PCYT1B: variants seen among roughly 807,000 people sequenced by gnomAD.
The protein encoded by PCYT1B is phosphate cytidylyltransferase 1B, choline, also known as choline-phosphate cytidylyltransferase B.
PCYT1B carries 10 observed loss-of-function variants against 26.4 expected under a neutral mutation model. The ratio of observed to expected loss-of-function variants is 0.38; its 90% CI spans 0.23 to 0.64. The LOEUF (loss-of-function observed/expected upper bound fraction) is 0.64, where lower values mean the gene tolerates loss of function less well. Among genes scored for constraint, PCYT1B ranks in the 30% least tolerant of loss-of-function variants. The pLI is 0.56. For synonymous variants in PCYT1B, 131 were observed against 108.4 expected (o/e 1.21, Z -1.29); for missense variants, 161 against 292.7 (o/e 0.55, Z 3.28).
rs1924512064 is a variant in PCYT1B at position 24,590,190 on chromosome X, G to T, written c.335-16C>A. The T allele has an allele frequency of 2.5e-6, 3 of 1,198,593 alleles. No individual in the cohort carries two copies. Among genetic ancestry groups the T allele is most frequent in the Non-Finnish European group, 2.3e-6 (2 of 887,651 alleles). On this transcript the variant is annotated splice_polypyrimidine_tract_variant and intron_variant, in intron 3 of 7. Transcript: ENST00000379144. ...TCACTGCAAACTAAAACAGGCAAAT[G>T]CATTAAATGCCATTACTCGGCCCAG...
intron 1 of PCYT1B, among the ~76,000 whole-genome samples, chrX:24,624,011 G>A (rs1027090547): frequency 2.2e-4 from 20 of 92,866 alleles, no homozygotes; most frequent in Admixed American, 9.3e-4. Flanking sequence ...TCGCTCTGTC[G>A]CCCAGGCTGG....
At chrX:24,648,449 A>ATTT (rs57744798), upstream of PCYT1B, among the ~76,000 whole-genome samples, 1,081 of 39,713 alleles carry the variant, frequency 0.027, 239 homozygotes, top group East Asian at 0.1. Context: ...ATTTGAAGGA[A>ATTT]TTTTTTTTTT....
chrX:24,629,775 T>C (rs1926008083), intron 1 of PCYT1B, among the ~76,000 whole-genome samples: 1 of 109,596 alleles, frequency 9.1e-6, no homozygotes, highest in Non-Finnish European at 1.9e-5. Context: ...TGACCACTTA[T>C]AAACCAAACT....
At chrX:24,669,035 G>A (rs114839893) in intron 1 of PCYT1B, among the ~76,000 whole-genome samples, 4,386 of 111,337 alleles carry the variant, frequency 0.039, 213 homozygotes, top group African/African-American at 0.13. Context: ...GACTTCAAAT[G>A]AATGAGATTT....
At chrX:24,634,988 T>C in intron 1 of PCYT1B, among the ~76,000 whole-genome samples, 1 of 111,957 alleles carries the variant, frequency 8.9e-6, no homozygotes. Flanking sequence ...CTGCTACCAA[T>C]AACATTAAAT....
intron 1 of PCYT1B, among the ~76,000 whole-genome samples, chrX:24,653,892 T>C (rs1244386158): frequency 9.3e-6 from 1 of 108,073 alleles, no homozygotes; most frequent in Admixed American, 1.0e-4. Context: ...GTAGCTGGGA[T>C]TGCAGGCACA....
intron 7 of PCYT1B, among the ~76,000 whole-genome samples, chrX:24,570,747 A>G (rs1923798535): frequency 8.9e-6 from 1 of 111,962 alleles, no homozygotes; most frequent in Non-Finnish European, 1.9e-5. Flanking sequence ...CTGTTTGCTG[A>G]GAAAGCCTAG....
intron 6 of PCYT1B, among the ~76,000 whole-genome samples, chrX:24,578,180 C>T (rs1266505959): frequency 9.0e-6 from 1 of 111,427 alleles, no homozygotes; most frequent in Non-Finnish European, 1.9e-5. Flanking sequence ...GAGTTCATGT[C>T]CTTTGCAGGG....
At position 24,579,479 on chromosome X, in the gene PCYT1B, G is replaced by A. The variant is rs375392994; in HGVS notation, c.566-21C>T. 1.7e-4 allele frequency: 207 copies of A among 1,195,344 alleles called. 1 individual carries two copies. In the African/African-American group the frequency reaches 3.0e-3, roughly 17 times the overall value. On this transcript the variant is annotated intron_variant, in intron 5 of 7. Coordinates refer to ENST00000379144, the MANE Select transcript of PCYT1B (RefSeq NM_004845.5). ...CATCCCTGTTCAAGTAGAAAAGAGC[G>A]GATAGAGGAAAAATTAAGATCACCT...
At chrX:24,672,696 A>G (rs1297500969), upstream of PCYT1B, 2 of 937,792 alleles carry the variant, frequency 2.1e-6, no homozygotes, top group Non-Finnish European at 3.0e-6. Flanking sequence ...TTTGAGTCAC[A>G]GGATGAAATT....
At chrX:24,670,792 A>G (rs756349237) in intron 1 of PCYT1B, among the ~76,000 whole-genome samples, 56 of 111,450 alleles carry the variant, frequency 5.0e-4, no homozygotes, top group African/African-American at 1.8e-3. Flanking sequence ...AATGTCAACT[A>G]TTATAATAAT....
In PCYT1B at chrX:24,616,975, T is replaced by C. The variant is rs146733112; in HGVS notation, c.217+2010A>G. Among the ~76,000 whole-genome samples the C allele has an allele frequency of 2.0e-3, 226 of 111,984 alleles. 1 individual carries two copies. The highest frequency in any genetic ancestry group is 7.1e-3 in the African/African-American group (219 of 30,867). The stretch of plus-strand genomic sequence containing the variant: ...TCCCAACTTTACCACTTACCAATGG[T>C]TCTCCCAGTGTGATCCCTGGAGCAG... On this transcript the variant is annotated intron_variant, in intron 2 of 7. Coordinates refer to ENST00000379144, the MANE Select transcript of PCYT1B (RefSeq NM_004845.5).
upstream of PCYT1B, among the ~76,000 whole-genome samples, chrX:24,648,385 A>G (rs1328197932): frequency 9.6e-6 from 1 of 103,930 alleles, no homozygotes; most frequent in Non-Finnish European, 1.9e-5. Context: ...TCCTATTGTT[A>G]TCCTCATTTT....
chrX:24,572,532 T>C (rs1450158460), intron 7 of PCYT1B, among the ~76,000 whole-genome samples: 1 of 111,846 alleles, frequency 8.9e-6, no homozygotes, highest in South Asian at 3.7e-4. Flanking sequence ...AACAGTACTG[T>C]ATTTGCCGGT....
chrX:24,563,051 C>T (rs772104474), intron 7 of PCYT1B, among the ~76,000 whole-genome samples: 2 of 111,675 alleles, frequency 1.8e-5, no homozygotes, highest in Non-Finnish European at 3.8e-5. Flanking sequence ...ACACTCTTTC[C>T]TTCTTCCTTT....
intron 1 of PCYT1B, among the ~76,000 whole-genome samples, chrX:24,662,612 C>T (rs948312484): frequency 6.3e-5 from 7 of 111,816 alleles, no homozygotes; most frequent in African/African-American, 2.0e-4. Flanking sequence ...TGTTCCAGGG[C>T]TATTTGCCAC....
At chrX:24,609,251 AC>A (rs1240342129) in intron 2 of PCYT1B, among the ~76,000 whole-genome samples, 4 of 109,792 alleles carry the variant, frequency 3.6e-5, no homozygotes, top group African/African-American at 1.3e-4. Context: ...GCTCACTGCA[AC>A]CTCCACCTCC....
chrX:24,638,688 G>A (rs1404747521), intron 1 of PCYT1B, among the ~76,000 whole-genome samples: 1 of 111,642 alleles, frequency 9.0e-6, no homozygotes, highest in Non-Finnish European at 1.9e-5. Context: ...TGGGGCACCA[G>A]CTAAAGATGT....
chrX:24,573,668 T>C (rs1923927060), intron 7 of PCYT1B, among the ~76,000 whole-genome samples: 1 of 111,926 alleles, frequency 8.9e-6, no homozygotes, highest in South Asian at 3.7e-4. Context: ...TCATACCATA[T>C]GTCATAGAGA....
Sources: gnomAD v4.1 joint callset for allele counts (sites outside exome capture counted in the v4.1 genomes callset) on GRCh38, gnomAD v4.1.1 for gene constraint, MANE v1.5 for transcripts, NCBI Gene and HGNC (gene_info 2026-07-23, HGNC 2026-07-21) for gene names.